ANK3: variants seen among roughly 807,000 people sequenced by gnomAD.
ANK3 encodes ankyrin 3.
ANK3 carries 57 observed loss-of-function variants against 370.9 expected under a neutral mutation model. That is an observed-to-expected ratio of 0.15 (90% CI 0.12 to 0.19). The LOEUF is 0.19. ANK3 is among the 10% of genes least tolerant of loss of function. ANK3 has a pLI of 1.00. For missense variants in ANK3, 4,439 were observed against 5,302.1 expected, an observed-to-expected ratio of 0.84 and a Z score of 5.06; for synonymous variants, 1,929 against 1,946.3, an observed-to-expected ratio of 0.99 and a Z score of 0.23.
chr10:60,387,343 C>T (rs1307125458), intron 1 of ANK3, among the ~76,000 whole-genome samples: 2 of 152,068 alleles, frequency 1.3e-5, no homozygotes, highest in African/African-American at 4.8e-5. Flanking sequence ...AACTCAAAGT[C>T]ATAACAATTC....
chr10:60,440,398 C>T (rs935053739), intron 2 of ANK3, among the ~76,000 whole-genome samples: 1 of 152,144 alleles, frequency 6.6e-6, no homozygotes, highest in African/African-American at 2.4e-5. Flanking sequence ...GGGGAGCAGG[C>T]ATCTTCTTCA....
intron 7 of ANK3, among the ~76,000 whole-genome samples, chr10:60,257,328 C>T (rs1035075785): frequency 3.8e-4 from 58 of 152,072 alleles, no homozygotes; most frequent in Admixed American, 1.4e-3. Flanking sequence ...CTGATCTGTG[C>T]CATACATGCC....
intron 25 of ANK3, among the ~76,000 whole-genome samples, chr10:60,124,679 T>C (rs2093667537): frequency 6.6e-6 from 1 of 152,234 alleles, no homozygotes; most frequent in African/African-American, 2.4e-5. Context: ...ATGGCTAACA[T>C]GCTTTACTCA....
chr10:60,175,625 A>G (rs1399509182), intron 18 of ANK3, among the ~76,000 whole-genome samples: 1 of 151,752 alleles, frequency 6.6e-6, no homozygotes, highest in Non-Finnish European at 1.5e-5. Context: ...CCGAGTCTTT[A>G]ACAGCATTCC....
At chr10:60,328,482 C>T (rs1047886095) in intron 1 of ANK3, among the ~76,000 whole-genome samples, 2 of 152,078 alleles carry the variant, frequency 1.3e-5, no homozygotes, top group Non-Finnish European at 2.9e-5. Flanking sequence ...GTGGAATGTA[C>T]TGCAGGCATT....
At chr10:60,228,532 C>CA (rs72450397) in intron 8 of ANK3, among the ~76,000 whole-genome samples, 32,851 of 94,652 alleles carry the variant, frequency 0.35, 5,407 homozygotes, top group Non-Finnish European at 0.45. Context: ...ACTGTGTCTC[C>CA]AAAAAAAAAA....
chr10:60,715,601 A>G (rs2079775326), intron 1 of ANK3, among the ~76,000 whole-genome samples: 1 of 152,200 alleles, frequency 6.6e-6, no homozygotes, highest in South Asian at 2.1e-4. Context: ...CAGCAAGAGG[A>G]GTAACTTCTG....
Position 60,279,744 on chromosome 10 carries a change from T to C in ANK3, c.115-105A>G, listed in dbSNP as rs191834916. On this transcript the variant is annotated intron_variant, in intron 1 of 43. Transcript: ENST00000280772. ...ACTAAAATAATTGAACTCTTTTATT[T>C]CTAACATGAAAATATGAATAAAAGT... is the stretch of plus-strand genomic sequence containing the variant. The C allele has an allele frequency of 1.6e-3, 1,347 of 836,402 alleles. 6 individuals carry two copies. Among genetic ancestry groups the C allele is most frequent in the Non-Finnish European group, 2.1e-3 (1,087 of 526,568 alleles). The allele number at this position is 836,402 out of a possible 1,614,324, so 51.8% of individuals were successfully genotyped here.
chr10:60,657,892 ACT>A (rs35016721), intron 1 of ANK3, among the ~76,000 whole-genome samples: 95,835 of 151,512 alleles, frequency 0.63, 30,549 homozygotes, highest in South Asian at 0.76. Context: ...ATATTATGAA[ACT>A]CTGTTACTAG....
At chr10:60,519,556 T>C (rs909894505) in intron 2 of ANK3, among the ~76,000 whole-genome samples, 7 of 152,152 alleles carry the variant, frequency 4.6e-5, no homozygotes, top group African/African-American at 4.8e-5. Flanking sequence ...CCTCTCACTC[T>C]AAATTCTGAT....
intron 1 of ANK3, among the ~76,000 whole-genome samples, chr10:60,672,726 C>A (rs189495236): frequency 6.6e-6 from 1 of 152,150 alleles, no homozygotes; most frequent in African/African-American, 2.4e-5. Context: ...GTCCTAGGAA[C>A]CCAGATTTAC....
At chr10:60,399,065 G>T (rs562401342) in intron 2 of ANK3, among the ~76,000 whole-genome samples, 1 of 152,026 alleles carries the variant, frequency 6.6e-6, no homozygotes, top group Non-Finnish European at 1.5e-5. Context: ...ATGGGGTATC[G>T]CCTATGTATG....
chr10:60,326,117 G>A (rs10994303), intron 1 of ANK3, among the ~76,000 whole-genome samples: 50,960 of 151,660 alleles, frequency 0.34, 8,700 homozygotes, highest in South Asian at 0.46. Context: ...ACAGACACTG[G>A]GGCCTTTTGG....
At chr10:60,477,508 G>GACAT (rs1279888980) in intron 2 of ANK3, among the ~76,000 whole-genome samples, 2,441 of 116,206 alleles carry the variant, frequency 0.021, 28 homozygotes, top group Non-Finnish European at 0.029. Flanking sequence ...CTGACAGACA[G>GACAT]ACAGACATAC....
intron 43 of ANK3, among the ~76,000 whole-genome samples, chr10:60,035,310 A>G (rs1216752021): frequency 6.6e-6 from 1 of 152,032 alleles, no homozygotes; most frequent in Admixed American, 6.6e-5. Flanking sequence ...GTACAGTGGT[A>G]CGATCTTGGC....
At chr10:60,495,091 C>T (rs993736039) in intron 2 of ANK3, among the ~76,000 whole-genome samples, 3 of 152,172 alleles carry the variant, frequency 2.0e-5, no homozygotes, top group Non-Finnish European at 4.4e-5. Context: ...ACTCTACCTC[C>T]TTTAAGAAAT....
chr10:60,588,186 T>TATTATC (rs1014114882), intron 2 of ANK3, among the ~76,000 whole-genome samples: 1 of 148,376 alleles, frequency 6.7e-6, no homozygotes, highest in Non-Finnish European at 1.5e-5. Flanking sequence ...TTATTATTAT[T>TATTATC]ATTATTATTA....
At chr10:60,402,657 G>C (rs1382194907) in intron 2 of ANK3, among the ~76,000 whole-genome samples, 1 of 152,164 alleles carries the variant, frequency 6.6e-6, no homozygotes, top group Non-Finnish European at 1.5e-5. Flanking sequence ...AAGAGAATTT[G>C]CACACTTCCA....
intron 1 of ANK3, among the ~76,000 whole-genome samples, chr10:60,701,898 AATAAG>A (rs1338656583): frequency 6.6e-6 from 1 of 152,214 alleles, no homozygotes; most frequent in East Asian, 1.9e-4. Context: ...AGGGGAAGGA[AATAAG>A]ATAGAAGGAA....
Sources: gnomAD v4.1 joint callset for allele counts (sites outside exome capture counted in the v4.1 genomes callset) on GRCh38, gnomAD v4.1.1 for gene constraint, MANE v1.5 for transcripts, NCBI Gene and HGNC (gene_info 2026-07-23, HGNC 2026-07-21) for gene names.